Variants in SGCZ observed in about 807,000 individuals in gnomAD.
SGCZ encodes sarcoglycan zeta.
SGCZ carries 40 observed loss-of-function variants against 41.3 expected under a neutral mutation model. The ratio of observed to expected loss-of-function variants is 0.97; its 90% confidence interval spans 0.75 to 1.26. The LOEUF is 1.26. Among genes scored for constraint, SGCZ ranks in the 50% most tolerant of loss-of-function variants. The probability of loss-of-function intolerance (pLI) is 0.00; values close to 1 mark genes in which losing one functional copy is unlikely to be tolerated. For missense variants in SGCZ, 552 were observed against 369.8 expected (o/e 1.49, Z -4.04); for synonymous variants, 206 against 137.5 (o/e 1.50, Z -3.49).
intron 1 of SGCZ, among the ~76,000 whole-genome samples, chr8:14,595,478 C>T (rs949585464): frequency 2.3e-4 from 34 of 150,474 alleles, no homozygotes; most frequent in African/African-American, 6.6e-4. Flanking sequence ...AGAAAAGGAA[C>T]GGATTCATAG....
At chr8:14,687,224 A>C (rs542681823) in intron 1 of SGCZ, among the ~76,000 whole-genome samples, 36 of 149,932 alleles carry the variant, frequency 2.4e-4, no homozygotes, top group Admixed American at 1.3e-4. Context: ...TTTAAGTTTT[A>C]GGGTACATGT....
At chr8:14,871,427 C>G (rs1804146572) in intron 1 of SGCZ, among the ~76,000 whole-genome samples, 1 of 152,124 alleles carries the variant, frequency 6.6e-6, no homozygotes, top group African/African-American at 2.4e-5. Context: ...TATAAAGATA[C>G]ATGCACACAT....
intron 1 of SGCZ, among the ~76,000 whole-genome samples, chr8:14,635,332 G>C (rs1806793566): frequency 6.6e-6 from 1 of 151,714 alleles, no homozygotes; most frequent in Admixed American, 6.6e-5. Context: ...AACTGTACTG[G>C]AAATATATCC....
intron 1 of SGCZ, among the ~76,000 whole-genome samples, chr8:14,920,953 T>C (rs540216954): frequency 1.3e-5 from 2 of 152,266 alleles, no homozygotes; most frequent in Admixed American, 6.5e-5. Flanking sequence ...GCTCAGAACA[T>C]TGAGACATTG....
intron 1 of SGCZ, among the ~76,000 whole-genome samples, chr8:14,717,611 A>G (rs1809734425): frequency 6.6e-6 from 1 of 152,078 alleles, no homozygotes; most frequent in African/African-American, 2.4e-5. Context: ...ATAAAGCCAT[A>G]TGCTCAGAAA....
chr8:14,551,571 T>TATATATA (rs1803855792), intron 2 of SGCZ, among the ~76,000 whole-genome samples: 14 of 16,126 alleles, frequency 8.7e-4, no homozygotes, highest in East Asian at 3.4e-3. Flanking sequence ...ATATATATAA[T>TATATATA]ATATATATAA....
chr8:14,414,151 G>A lies in SGCZ; in HGVS notation c.235-89947C>T, dbSNP rs1456328468. On this transcript the variant is annotated intron_variant, in intron 2 of 7. Transcript: ENST00000382080. ...ATTTAAGAGATTAGAAAAACAAAAG[G>A]CAAAAAATAGCCTAACACAGAAATG... Among the ~76,000 whole-genome samples, 4 of 151,688 alleles carry A rather than the reference G, an allele frequency of 2.6e-5. No homozygotes were observed. The East Asian group carries it at 7.7e-4, about 29-fold the overall frequency.
At chr8:14,290,649 A>ACTCG in intron 3 of SGCZ, among the ~76,000 whole-genome samples, 2 of 152,222 alleles carry the variant, frequency 1.3e-5, no homozygotes, top group Non-Finnish European at 2.9e-5. Flanking sequence ...CACCTCACTC[A>ACTCG]AGTATGAGTG....
At chr8:14,410,580 AG>A (rs1799333023) in intron 2 of SGCZ, among the ~76,000 whole-genome samples, 1 of 150,826 alleles carries the variant, frequency 6.6e-6, no homozygotes, top group Non-Finnish European at 1.5e-5. Context: ...GGACACAGGG[AG>A]GGGAACATCA....
chr8:15,057,237 C>A (rs191415941), intron 1 of SGCZ, among the ~76,000 whole-genome samples: 133 of 152,282 alleles, frequency 8.7e-4, no homozygotes, highest in African/African-American at 3.0e-3. Flanking sequence ...AATTACCATA[C>A]CCTATGTTGA....
chr8:14,695,441 A>AACTTTATCTCATGT (rs1808927850), intron 1 of SGCZ, among the ~76,000 whole-genome samples: 2 of 152,158 alleles, frequency 1.3e-5, no homozygotes, highest in Admixed American at 1.3e-4. Context: ...TGTGTCCAAA[A>AACTTTATCTCATGT]GTACCATGTA....
At chr8:14,622,070 A>C (rs566602201) in intron 1 of SGCZ, among the ~76,000 whole-genome samples, 102 of 152,272 alleles carry the variant, frequency 6.7e-4, no homozygotes, top group African/African-American at 2.4e-3. Context: ...AGATGAGGTC[A>C]TCAGATAAGT....
intron 1 of SGCZ, among the ~76,000 whole-genome samples, chr8:15,184,076 G>A (rs191867676): frequency 8.5e-4 from 130 of 152,132 alleles, no homozygotes; most frequent in African/African-American, 2.9e-3. Context: ...TTTATTTTCC[G>A]TTTCAACAGC....
At chr8:14,637,934 A>G (rs565622541) in intron 1 of SGCZ, among the ~76,000 whole-genome samples, 2 of 151,994 alleles carry the variant, frequency 1.3e-5, no homozygotes, top group Admixed American at 6.6e-5. Context: ...TCCTACCATC[A>G]GTGTGTAAGT....
At chr8:15,042,919 T>C (rs77105869) in intron 1 of SGCZ, among the ~76,000 whole-genome samples, 333 of 152,272 alleles carry the variant, frequency 2.2e-3, no homozygotes, top group African/African-American at 7.7e-3. Context: ...TTTAATAGTG[T>C]TTCAACTGCA....
At chr8:14,347,293 C>T (rs1802921961) in intron 2 of SGCZ, among the ~76,000 whole-genome samples, 1 of 152,100 alleles carries the variant, frequency 6.6e-6, no homozygotes, top group Non-Finnish European at 1.5e-5. Context: ...AGTGCAATGT[C>T]TGGAGCTTTT....
At chr8:14,197,682 C>A in intron 4 of SGCZ, among the ~76,000 whole-genome samples, 1 of 151,994 alleles carries the variant, frequency 6.6e-6, no homozygotes, top group African/African-American at 2.4e-5. Flanking sequence ...AGGGCATTTA[C>A]AGAAATCCTA....
chr8:15,172,205 AG>A (rs2117066386), intron 1 of SGCZ, among the ~76,000 whole-genome samples: 2 of 108,786 alleles, frequency 1.8e-5, no homozygotes, highest in East Asian at 6.2e-4. Flanking sequence ...TCTGTCGCCC[AG>A]GCTGGAGCGC....
Position 14,968,100 on chromosome 8 carries a change from G to A in SGCZ, c.39+269485C>T, listed in dbSNP as rs140749295. ...CATAAGAATAAAATGTGGCCATTTT[G>A]GTGTCTCATCAGATTGGTTAAAATG... On this transcript the variant is annotated intron_variant, in intron 1 of 7. Coordinates refer to ENST00000382080, the MANE Select transcript of SGCZ (RefSeq NM_139167.4). Among the ~76,000 whole-genome samples, 455 of 152,166 alleles carry A rather than the reference G, an allele frequency of 3.0e-3. 3 individuals carry two copies. Among genetic ancestry groups the A allele is most frequent in the African/African-American group, 9.9e-3 (412 of 41,542 alleles).
Sources: gnomAD v4.1 joint callset for allele counts (sites outside exome capture counted in the v4.1 genomes callset) on GRCh38, gnomAD v4.1.1 for gene constraint, MANE v1.5 for transcripts, NCBI Gene and HGNC (gene_info 2026-07-23, HGNC 2026-07-21) for gene names.